Variants in JAZF1 observed in about 807,000 individuals in gnomAD.
JAZF1 encodes JAZF zinc finger 1, also known as juxtaposed with another zinc finger protein 1.
JAZF1 carries 8 observed loss-of-function variants against 26.4 expected under a neutral mutation model. That is an observed-to-expected ratio of 0.30 (90% CI 0.18 to 0.55). The LOEUF (loss-of-function observed/expected upper bound fraction) is 0.55, where lower values mean the gene tolerates loss of function less well. JAZF1 is among the 20% of genes least tolerant of loss of function. JAZF1 has a pLI of 0.94. For synonymous variants in JAZF1, 126 were observed against 122.3 expected (o/e 1.03, Z -0.20); for missense variants, 199 against 322.0 (o/e 0.62, Z 2.92).
At chr7:27,856,167 T>C (rs777926974) in intron 3 of JAZF1, among the ~76,000 whole-genome samples, 18 of 152,208 alleles carry the variant, frequency 1.2e-4, no homozygotes, top group Non-Finnish European at 2.6e-4. Flanking sequence ...TTCTGATGTT[T>C]GGATGTGTTC....
At chr7:27,898,286 CATATAT>C (rs10638646) in intron 2 of JAZF1, among the ~76,000 whole-genome samples, 2 of 99,616 alleles carry the variant, frequency 2.0e-5, no homozygotes, top group East Asian at 3.5e-4. Context: ...ACGTCTAACT[CATATAT>C]ATATATATAT....
intron 1 of JAZF1, among the ~76,000 whole-genome samples, chr7:28,163,450 A>T (rs1783322274): frequency 6.6e-6 from 1 of 152,216 alleles, no homozygotes. Flanking sequence ...AAAGCTCTCT[A>T]TGCTAGGGGA....
At position 28,007,748 on chromosome 7, in the gene JAZF1, T is replaced by C. The variant is rs1015288024; in HGVS notation, c.116-15767A>G. On this transcript the variant is annotated intron_variant, in intron 1 of 4. Transcript: ENST00000283928. Reference sequence around the variant, plus strand: ...CTGAGACATGCCTCTTTCCCTTTTTTAAAAAGACTTAAAAATTAGACTTTT... The same window carrying C: ...CTGAGACATGCCTCTTTCCCTTTTTCAAAAAGACTTAAAAATTAGACTTTT... 1.5e-4 allele frequency among the ~76,000 whole-genome samples: 23 copies of C among 152,274 alleles called. 1 individual carries two copies. The highest frequency in any genetic ancestry group is 5.5e-4 in the African/African-American group (23 of 41,550).
chr7:27,868,608 C>T (rs1163810598), intron 3 of JAZF1, among the ~76,000 whole-genome samples: 1 of 152,140 alleles, frequency 6.6e-6, no homozygotes, highest in East Asian at 1.9e-4. Context: ...TTAATTTGGA[C>T]ACAGTGGACT....
At chr7:27,948,273 T>A (rs769238643) in intron 2 of JAZF1, among the ~76,000 whole-genome samples, 2 of 152,128 alleles carry the variant, frequency 1.3e-5, no homozygotes, top group Non-Finnish European at 2.9e-5. Context: ...CCCGACTGCT[T>A]CATGCCACGG....
At chr7:27,869,022 T>C (rs530126476) in intron 3 of JAZF1, among the ~76,000 whole-genome samples, 1 of 152,194 alleles carries the variant, frequency 6.6e-6, no homozygotes, top group Non-Finnish European at 1.5e-5. Flanking sequence ...TCTGGATACA[T>C]GTATTGTTAT....
intron 1 of JAZF1, among the ~76,000 whole-genome samples, chr7:28,032,260 G>T (rs11505462): frequency 2.0e-5 from 3 of 152,100 alleles, no homozygotes; most frequent in African/African-American, 7.2e-5. Flanking sequence ...ATCTGCATAA[G>T]AATCAACACT....
At chr7:27,977,447 A>T (rs776729754) in intron 2 of JAZF1, among the ~76,000 whole-genome samples, 3 of 152,170 alleles carry the variant, frequency 2.0e-5, no homozygotes, top group Non-Finnish European at 2.9e-5. Context: ...CATACCCTAG[A>T]GCAAAGTCCT....
chr7:28,168,264 C>T lies in JAZF1; in HGVS notation c.115+12199G>A, dbSNP rs1164060576. Among the ~76,000 whole-genome samples, 4 of 151,852 alleles carry T rather than the reference C, an allele frequency of 2.6e-5. No homozygotes were observed. The East Asian group carries it at 5.8e-4, about 22-fold the overall frequency. ...GGGCGTGGCAGCAGGCGCCTGTAGTCCCAGCTACTCGGGAGGCTGAGACAG... is the reference window on the plus strand; with the variant it reads ...GGGCGTGGCAGCAGGCGCCTGTAGTTCCAGCTACTCGGGAGGCTGAGACAG... On this transcript the variant is annotated intron_variant, in intron 1 of 4. Transcript: ENST00000283928.
chr7:28,065,236 T>G (rs1276237401), intron 1 of JAZF1, among the ~76,000 whole-genome samples: 7 of 152,100 alleles, frequency 4.6e-5, no homozygotes, highest in Admixed American at 4.6e-4. Flanking sequence ...GAGCCAGACT[T>G]GGGTCCAGGA....
intron 1 of JAZF1, among the ~76,000 whole-genome samples, chr7:27,998,071 A>AAGGAAGGAAGGC (rs10691690): frequency 0.022 from 2,486 of 111,310 alleles, 96 homozygotes; most frequent in African/African-American, 0.065. Context: ...GGAAGGAAGG[A>AAGGAAGGAAGGC]AGGCAGGCAG....
chr7:27,995,968 A>G (rs1245357648), intron 1 of JAZF1, among the ~76,000 whole-genome samples: 1 of 152,180 alleles, frequency 6.6e-6, no homozygotes, highest in Admixed American at 6.5e-5. Context: ...GACCAAGGAA[A>G]GGCAAACACC....
At chr7:27,834,464 G>T (rs1362828765) in intron 4 of JAZF1, among the ~76,000 whole-genome samples, 1 of 152,134 alleles carries the variant, frequency 6.6e-6, no homozygotes, top group Non-Finnish European at 1.5e-5. Context: ...GAAGCAGAAG[G>T]ACAAACACTC....
intron 1 of JAZF1, among the ~76,000 whole-genome samples, chr7:28,143,354 T>A (rs932097681): frequency 6.6e-6 from 1 of 152,252 alleles, no homozygotes; most frequent in Non-Finnish European, 1.5e-5. Context: ...GTAATTTCTA[T>A]GGCCCTTTGT....
intron 2 of JAZF1, among the ~76,000 whole-genome samples, chr7:27,974,765 A>G (rs1785439074): frequency 6.6e-6 from 1 of 152,146 alleles, no homozygotes. Flanking sequence ...TGAAGCTATG[A>G]AGGAATACCT....
At chr7:28,145,025 T>C (rs1783004364) in intron 1 of JAZF1, among the ~76,000 whole-genome samples, 1 of 152,214 alleles carries the variant, frequency 6.6e-6, no homozygotes, top group Admixed American at 6.5e-5. Context: ...TCTACAGAAC[T>C]ATCCAAACAC....
At chr7:28,175,138 T>C (rs1203868113) in intron 1 of JAZF1, among the ~76,000 whole-genome samples, 2 of 152,208 alleles carry the variant, frequency 1.3e-5, no homozygotes, top group Non-Finnish European at 2.9e-5. Context: ...CCGCTGGCTT[T>C]GACACCACTT....
rs148128545 is a variant in JAZF1, at chr7:28,156,952, C to T, written c.115+23511G>A. On this transcript the variant is annotated intron_variant, in intron 1 of 4. Transcript: ENST00000283928. ...GCTACATTTCCCATATTTGTTTATA[C>T]CGGACTCCATACTACGTATAAATAA... Among the ~76,000 whole-genome samples the T allele has an allele frequency of 2.7e-3, 407 of 152,310 alleles. 2 individuals carry two copies. Among genetic ancestry groups the T allele is most frequent in the Non-Finnish European group, 3.8e-3 (256 of 68,030 alleles).
chr7:28,018,885 T>A lies in JAZF1; in HGVS notation c.116-26904A>T, dbSNP rs75240530. On this transcript the variant is annotated intron_variant, in intron 1 of 4. Coordinates refer to ENST00000283928, the MANE Select transcript of JAZF1 (RefSeq NM_175061.4). ...CTTTTCCACAGATGAAATCTAAAAT[T>A]TTCGTGGTTCAGTTGGAGTCTGTCC... Among the ~76,000 whole-genome samples the A allele has an allele frequency of 6.9e-3, 1,053 of 152,274 alleles. 9 individuals are homozygous for A. Among genetic ancestry groups the A allele is most frequent in the African/African-American group, 0.023 (950 of 41,552 alleles).
Sources: allele counts gnomAD v4.1 joint callset (sites outside exome capture counted in the v4.1 genomes callset), GRCh38; gene constraint gnomAD v4.1.1; transcripts MANE v1.5; gene names NCBI Gene and HGNC (gene_info 2026-07-23, HGNC 2026-07-21).